The following EHBP1 variants were observed in gnomAD, a reference collection of about 807,000 sequenced individuals.
The protein encoded by EHBP1 is EH domain-binding protein 1.
EHBP1 carries 55 observed loss-of-function variants against 144.0 expected under a neutral mutation model. That is an observed-to-expected ratio of 0.38 (90% confidence interval 0.31 to 0.48). EHBP1 has a LOEUF of 0.48. Among genes scored for constraint, EHBP1 ranks in the 20% least tolerant of loss-of-function variants. EHBP1 has a pLI of 0.98. For synonymous variants in EHBP1, 469 were observed against 472.7 expected (o/e 0.99, Z 0.10); for missense variants, 1,200 against 1,364.2 (o/e 0.88, Z 1.90).
chr2:63,045,530 A>G lies in EHBP1; in HGVS notation c.*30A>G. The stretch of plus-strand genomic sequence containing the variant: ...CAGATCAGAAAGAATCTCTCCCAAC[A>G]TTTTAGAGTCTTGCTTCCCAAACCA... On this transcript the variant is annotated 3_prime_UTR_variant, in exon 23 of 23. Transcript: ENST00000431489. The surrounding 1 kb of genome is among the most constrained non-coding windows in gnomAD (Gnocchi z 5.7). 3 of 1,554,144 alleles carry G rather than the reference A, an allele frequency of 1.9e-6. No individual in the cohort carries two copies. Among genetic ancestry groups the G allele is most frequent in the Non-Finnish European group, 2.7e-6 (3 of 1,131,580 alleles).
chr2:62,876,798 A>T (rs773214879), intron 10 of EHBP1, among the ~76,000 whole-genome samples: 2 of 152,122 alleles, frequency 1.3e-5, no homozygotes, highest in African/African-American at 2.4e-5. Context: ...AAGAACAGCA[A>T]GGGGGAAACC....
intron 7 of EHBP1, among the ~76,000 whole-genome samples, chr2:62,842,245 C>T (rs1265983973): frequency 6.6e-6 from 1 of 152,092 alleles, no homozygotes; most frequent in South Asian, 2.1e-4. Context: ...TGCCACCACA[C>T]TCAGCTAATT....
intron 2 of EHBP1, among the ~76,000 whole-genome samples, chr2:62,720,442 C>T (rs1217918722): frequency 6.6e-6 from 1 of 152,130 alleles, no homozygotes; most frequent in Non-Finnish European, 1.5e-5. Flanking sequence ...GTTTTTACTA[C>T]ATGCAAATAG....
intron 10 of EHBP1, among the ~76,000 whole-genome samples, chr2:62,914,472 T>C (rs2054455819): frequency 6.6e-6 from 1 of 152,116 alleles, no homozygotes; most frequent in South Asian, 2.1e-4. Flanking sequence ...AAATCAAATG[T>C]TAAACTGAAT....
chr2:62,835,749 G>A (rs1488648434), intron 7 of EHBP1, among the ~76,000 whole-genome samples: 1 of 152,180 alleles, frequency 6.6e-6, no homozygotes, highest in Non-Finnish European at 1.5e-5. Context: ...CTGGAAAATC[G>A]GGTCACTCAC....
rs550789433 is a variant in EHBP1, at chr2:62,943,694, G to T, written c.1365-108G>T. 8.7e-6 allele frequency: 5 copies of T among 573,106 alleles called. No homozygotes were observed. The East Asian group carries it at 1.6e-4, about 18-fold the overall frequency. 35.5% of individuals were successfully genotyped at this position (573,106 alleles called of 1,614,324 possible). On this transcript the variant is annotated intron_variant, in intron 11 of 22. Coordinates refer to ENST00000431489, the MANE Select transcript of EHBP1 (RefSeq NM_001142616.3). Reference sequence around the variant, plus strand: ...TGATTGAATTGCTGTGAAATTGCTGGTTACTCTTTAGTATTATTGAATGTC... The same window carrying T: ...TGATTGAATTGCTGTGAAATTGCTGTTTACTCTTTAGTATTATTGAATGTC...
Position 62,939,521 on chromosome 2 carries a change from C to A in EHBP1, c.1186-3197C>A, listed in dbSNP as rs199629960. On this transcript the variant is annotated intron_variant, in intron 10 of 22. Coordinates refer to ENST00000431489, the MANE Select transcript of EHBP1 (RefSeq NM_001142616.3). ...AACTCCTGACCTCATGATCTGCCCG[C>A]CTCAGCCTCCCAAAGTGTTGAGATT... 4.6e-5 allele frequency among the ~76,000 whole-genome samples: 7 copies of A among 152,188 alleles called. No individual in the cohort carries two copies. The East Asian group carries it at 9.6e-4, about 21-fold the overall frequency.
chr2:62,832,373 T>C (rs1372981347), intron 7 of EHBP1, among the ~76,000 whole-genome samples: 1 of 151,886 alleles, frequency 6.6e-6, no homozygotes, highest in African/African-American at 2.4e-5. Flanking sequence ...AACTTCTCAT[T>C]ACAGGCATAG....
In EHBP1 at chr2:62,686,415, A is replaced by G. The variant is rs140723861; in HGVS notation, c.-296+12332A>G. Among the ~76,000 whole-genome samples, 131 of 152,260 alleles carry G rather than the reference A, an allele frequency of 8.6e-4. 1 individual carries two copies. The East Asian group carries it at 0.019, about 22-fold the overall frequency. ...TTTCCCTGCACTTCTTCCTCTCCCT[A>G]TATTTTCAGTCCAGCCAAGCATAAA... On this transcript the variant is annotated intron_variant, in intron 1 of 22. Coordinates refer to the EHBP1 transcript ENST00000405015.
chr2:62,864,866 A>T lies in EHBP1; in HGVS notation c.893A>T (p.Lys298Met). Residue 298 changes from lysine to methionine, a missense_variant, in exon 9 of 23, where the codon AAG (lysine) becomes ATG (methionine). Lys to Met is a moderately conservative substitution (Grantham distance 95, BLOSUM62 -1). Around this residue, in one of 6 missense-constraint regions of EHBP1, gnomAD observed 266 missense variants for 262.4 expected, o/e 1.01. Coordinates refer to ENST00000431489, the MANE Select transcript of EHBP1 (RefSeq NM_001142616.3). ...GAGCCAGAAGCATTTGTGACCATAAAGGATTCTCCTCCCCAGTCTACAAAA... is the reference window on the plus strand; with the variant it reads ...GAGCCAGAAGCATTTGTGACCATAATGGATTCTCCTCCCCAGTCTACAAAA... ...FDEPEAFVTI[K>M]DSPPQSTKRK... The T allele has an allele frequency of 6.2e-7, 1 of 1,614,116 alleles. No homozygotes were observed. The highest frequency in any genetic ancestry group is 8.5e-7 in the Non-Finnish European group (1 of 1,179,992).
intron 19 of EHBP1, among the ~76,000 whole-genome samples, chr2:63,014,965 T>C (rs2060424765): frequency 6.6e-6 from 1 of 151,654 alleles, no homozygotes; most frequent in South Asian, 2.1e-4. Context: ...GCAACAAGAG[T>C]GAAACTCTGT....
chr2:62,756,768 C>CAAAAAA (rs34717027), intron 3 of EHBP1, among the ~76,000 whole-genome samples: 2 of 76,648 alleles, frequency 2.6e-5, no homozygotes, highest in Non-Finnish European at 5.3e-5. Context: ...AACTCTATCT[C>CAAAAAA]AAAAAAAAAA....
At chr2:62,783,375 G>C (rs1346076123) in intron 5 of EHBP1, among the ~76,000 whole-genome samples, 8 of 152,198 alleles carry the variant, frequency 5.3e-5, no homozygotes. Flanking sequence ...GCCCCAGTGG[G>C]GACTCTGTGT....
intron 14 of EHBP1, among the ~76,000 whole-genome samples, chr2:62,963,223 A>G (rs1453835066): frequency 1.3e-5 from 2 of 152,234 alleles, no homozygotes; most frequent in East Asian, 3.8e-4. Flanking sequence ...GCTCTTTTGC[A>G]AATTAAACCT....
At chr2:62,741,779 G>T (rs114138746) in intron 2 of EHBP1, among the ~76,000 whole-genome samples, 66 of 151,288 alleles carry the variant, frequency 4.4e-4, no homozygotes, top group Non-Finnish European at 8.4e-4. Context: ...AATATTCAGG[G>T]AAAAAAACCA....
chr2:62,978,201 CTT>C (rs1337320404), intron 14 of EHBP1, among the ~76,000 whole-genome samples: 20 of 139,450 alleles, frequency 1.4e-4, no homozygotes, highest in Non-Finnish European at 1.1e-4. Flanking sequence ...ATTAATAATC[CTT>C]TTTTTTTTTT....
At chr2:62,690,641 C>A (rs1225378130) in intron 1 of EHBP1, among the ~76,000 whole-genome samples, 1 of 152,050 alleles carries the variant, frequency 6.6e-6, no homozygotes, top group Non-Finnish European at 1.5e-5. Context: ...CTTACAAAGC[C>A]ACATAAGGCT....
At chr2:62,709,761 A>G (rs1042737383) in intron 2 of EHBP1, among the ~76,000 whole-genome samples, 1 of 151,834 alleles carries the variant, frequency 6.6e-6, no homozygotes, top group African/African-American at 2.4e-5. Flanking sequence ...AATACTTAGT[A>G]CCCCCAATAC....
chr2:62,758,178 G>T (rs951381009), intron 3 of EHBP1, among the ~76,000 whole-genome samples: 1 of 151,864 alleles, frequency 6.6e-6, no homozygotes, highest in Non-Finnish European at 1.5e-5. Context: ...GTGTGATCTC[G>T]GTTCTCTGCA....
Sources: allele counts gnomAD v4.1 joint callset (sites outside exome capture counted in the v4.1 genomes callset), GRCh38; gene constraint gnomAD v4.1.1; regional missense constraint gnomAD v4.1.1; non-coding constraint Gnocchi (gnomAD v3.1); transcripts MANE v1.5; gene names NCBI Gene and HGNC (gene_info 2026-07-23, HGNC 2026-07-21).